The following KCNIP4 variants were observed in gnomAD, a reference collection of about 807,000 sequenced individuals.
KCNIP4 encodes Kv channel-interacting protein 4.
In KCNIP4, 12 loss-of-function variants were observed where a neutral mutation model predicts 34.0. The observed-to-expected ratio is 0.35, with a 90% CI of 0.23 to 0.57. The LOEUF (loss-of-function observed/expected upper bound fraction) is 0.57. Ranked by LOEUF, KCNIP4 falls within the 20% of genes least tolerant of loss-of-function variation. The pLI is 0.83. For synonymous variants in KCNIP4, 124 were observed against 102.2 expected (o/e 1.21, Z -1.29); for missense variants, 238 against 311.7 (o/e 0.76, Z 1.78).
chr4:20,866,339 A>T (rs1410384502), intron 2 of KCNIP4, among the ~76,000 whole-genome samples: 2 of 152,126 alleles, frequency 1.3e-5, no homozygotes, highest in African/African-American at 4.8e-5. Flanking sequence ...CCTGGGATGA[A>T]AGGTTGGTTC....
At position 21,589,184 on chromosome 4, in the gene KCNIP4, ATATATATATATATATATG is replaced by A. The variant is rs1324442570; in HGVS notation, c.61+359369_61+359386del. On this transcript the variant is annotated intron_variant, in intron 1 of 8. Transcript: ENST00000382152. The stretch of plus-strand genomic sequence containing the variant: ...TATATATATATATATATATATATAT[ATATATATATATATATATG>A]TGTACATATATAAGTACACATGTAT... Among the ~76,000 whole-genome samples, 147 of 59,184 alleles carry A rather than the reference ATATATATATATATATATG, an allele frequency of 2.5e-3. 3 individuals carry two copies. The highest frequency in any genetic ancestry group is 7.6e-3 in the Middle Eastern group (1 of 132). 38.8% of individuals were successfully genotyped at this position (59,184 alleles called of 152,430 possible). A position where few individuals can be genotyped will look rare whatever the true frequency, so the allele number is the denominator to read the frequency against.
intron 1 of KCNIP4, among the ~76,000 whole-genome samples, chr4:20,967,217 C>T (rs1159366640): frequency 6.6e-6 from 1 of 152,118 alleles, no homozygotes; most frequent in Non-Finnish European, 1.5e-5. Flanking sequence ...CACATGAACA[C>T]AATACCCCAC....
chr4:21,519,740 G>GTGTATAT (rs556963421), intron 1 of KCNIP4, among the ~76,000 whole-genome samples: 3,015 of 109,016 alleles, frequency 0.028, 175 homozygotes, highest in South Asian at 0.087. Flanking sequence ...GTATATGTAT[G>GTGTATAT]ATACACACGT....
chr4:20,885,276 G>A (rs1035460397), intron 1 of KCNIP4, among the ~76,000 whole-genome samples: 5 of 145,990 alleles, frequency 3.4e-5, no homozygotes, highest in East Asian at 2.0e-4. Flanking sequence ...CGTTATTCTC[G>A]AGGTCATGAG....
At chr4:20,876,814 C>T (rs1724093307) in intron 2 of KCNIP4, among the ~76,000 whole-genome samples, 1 of 152,104 alleles carries the variant, frequency 6.6e-6, no homozygotes, top group Non-Finnish European at 1.5e-5. Flanking sequence ...CCTCGTGATC[C>T]ACCCACCTCG....
At chr4:21,929,728 C>T in intron 1 of KCNIP4, among the ~76,000 whole-genome samples, 1 of 152,162 alleles carries the variant, frequency 6.6e-6, no homozygotes, top group East Asian at 1.9e-4. Context: ...TCTCCTTACT[C>T]ATATCCAAGC....
At chr4:21,737,032 GA>G (rs35186181) in intron 1 of KCNIP4, among the ~76,000 whole-genome samples, 74,834 of 151,882 alleles carry the variant, frequency 0.49, 20,364 homozygotes, top group Non-Finnish European at 0.63. Context: ...ATAAAAAAAA[GA>G]AAGTAAGTTC....
In KCNIP4 at chr4:21,414,351, C is replaced by T. The variant is rs574976772; in HGVS notation, c.62-531642G>A. 1.2e-4 allele frequency among the ~76,000 whole-genome samples: 19 copies of T among 152,234 alleles called. 1 individual carries two copies. Among genetic ancestry groups the T allele is most frequent in the Admixed American group, 1.2e-3 (18 of 15,290 alleles). On this transcript the variant is annotated intron_variant, in intron 1 of 8. Coordinates refer to ENST00000382152, the MANE Select transcript of KCNIP4 (RefSeq NM_025221.6). ...TAAAACAATGTCCATAGTCATTAAT[C>T]GTCAGGAAAATGCAAAACAAAATCA...
chr4:21,857,043 G>A lies in KCNIP4; in HGVS notation c.61+91528C>T, dbSNP rs1010129886. ...AGTGGCAGGAGGCAGATAGGCTCCTGGGTGGAAAGACACAGGTGCCTGGTG... is the reference window on the plus strand; with the variant it reads ...AGTGGCAGGAGGCAGATAGGCTCCTAGGTGGAAAGACACAGGTGCCTGGTG... On this transcript the variant is annotated intron_variant, in intron 1 of 8. Transcript: ENST00000382152. Among the ~76,000 whole-genome samples the A allele has an allele frequency of 4.6e-5, 7 of 152,232 alleles. 1 individual carries two copies. Among genetic ancestry groups the A allele is most frequent in the Admixed American group, 3.9e-4 (6 of 15,308 alleles).
At chr4:21,812,000 C>T (rs1348390165) in intron 1 of KCNIP4, among the ~76,000 whole-genome samples, 4 of 152,158 alleles carry the variant, frequency 2.6e-5, no homozygotes, top group African/African-American at 9.7e-5. Flanking sequence ...TAAAGTTAAG[C>T]TGAAATATTT....
chr4:21,811,647 G>A (rs1212592703), intron 1 of KCNIP4, among the ~76,000 whole-genome samples: 2 of 152,194 alleles, frequency 1.3e-5, no homozygotes, highest in African/African-American at 4.8e-5. Flanking sequence ...AAACAGCCTT[G>A]TAGACACATC....
intron 1 of KCNIP4, among the ~76,000 whole-genome samples, chr4:21,400,748 C>T (rs73798810): frequency 0.023 from 3,513 of 152,140 alleles, 145 homozygotes; most frequent in African/African-American, 0.081. Flanking sequence ...GGGTTGCATT[C>T]AGCAAATATG....
intron 1 of KCNIP4, among the ~76,000 whole-genome samples, chr4:21,529,350 C>T (rs1249707775): frequency 5.3e-5 from 8 of 152,096 alleles, no homozygotes; most frequent in African/African-American, 9.7e-5. Flanking sequence ...CACTCAGTGA[C>T]GGAACATCAA....
At chr4:21,541,103 A>C (rs1737648426) in intron 1 of KCNIP4, among the ~76,000 whole-genome samples, 1 of 150,110 alleles carries the variant, frequency 6.7e-6, no homozygotes, top group African/African-American at 2.4e-5. Context: ...TCCAGGAGAC[A>C]GAGGTTGCAG....
chr4:21,379,412 T>TA (rs1229865845), intron 1 of KCNIP4, among the ~76,000 whole-genome samples: 1 of 152,190 alleles, frequency 6.6e-6, no homozygotes, highest in Non-Finnish European at 1.5e-5. Flanking sequence ...GTGACTCTTT[T>TA]AAAAGGTATG....
intron 1 of KCNIP4, among the ~76,000 whole-genome samples, chr4:21,900,389 T>C (rs191831557): frequency 7.0e-4 from 106 of 152,180 alleles, no homozygotes; most frequent in African/African-American, 2.3e-3. Flanking sequence ...TCTCCACTAA[T>C]TTGGTTGACC....
chr4:21,126,421 C>T (rs150053755), intron 1 of KCNIP4, among the ~76,000 whole-genome samples: 1 of 152,062 alleles, frequency 6.6e-6, no homozygotes, highest in East Asian at 1.9e-4. Context: ...CAAATAGAAT[C>T]CCTATTCAAC....
At chr4:21,879,304 T>C (rs1485258555) in intron 1 of KCNIP4, among the ~76,000 whole-genome samples, 2 of 152,208 alleles carry the variant, frequency 1.3e-5, no homozygotes, top group Non-Finnish European at 2.9e-5. Flanking sequence ...GGTATCATAT[T>C]GAAACCAAGC....
chr4:21,078,545 G>GATCTAACT (rs1745716440), intron 1 of KCNIP4, among the ~76,000 whole-genome samples: 2 of 151,970 alleles, frequency 1.3e-5, no homozygotes, highest in Non-Finnish European at 2.9e-5. Flanking sequence ...CTACCCTCAT[G>GATCTAACT]ATCTAACTAT....
Sources: allele counts gnomAD v4.1 joint callset (sites outside exome capture counted in the v4.1 genomes callset), GRCh38; gene constraint gnomAD v4.1.1; transcripts MANE v1.5; gene names NCBI Gene and HGNC (gene_info 2026-07-23, HGNC 2026-07-21).